The following ARID3A variants were observed in gnomAD, a reference collection of about 807,000 sequenced individuals.
ARID3A encodes AT-rich interactive domain-containing protein 3A.
A neutral mutation model predicts 52.7 loss-of-function variants in ARID3A; 11 were observed. That is an observed-to-expected ratio of 0.21 (90% CI 0.13 to 0.35). The LOEUF is 0.35. ARID3A is among the 10% of genes least tolerant of loss of function. The pLI, the probability that ARID3A is intolerant of heterozygous loss-of-function variation, is 1.00. For synonymous variants in ARID3A, 404 were observed against 359.4 expected, an observed-to-expected ratio of 1.12 and a Z score of -1.40; for missense variants, 721 against 838.5, an observed-to-expected ratio of 0.86 and a Z score of 1.73.
At chr19:946,235 CTTTTACT>C (rs1301866978) in intron 3 of ARID3A, among the ~76,000 whole-genome samples, 1 of 151,746 alleles carries the variant, frequency 6.6e-6, no homozygotes, top group East Asian at 1.9e-4. Context: ...GTTTTTTTTA[CTTTTACT>C]TTTTCCTTTT....
chr19:958,088 G>C (rs2037959395), intron 3 of ARID3A: 1 of 151,658 alleles, frequency 6.6e-6, no homozygotes, highest in Admixed American at 6.6e-5. Flanking sequence ...CTCCAGCCTG[G>C]GCGACAGAGC....
chr19:932,602 G>T lies in ARID3A; in HGVS notation c.553G>T (p.Gly185Cys). Residue 185 changes from glycine (G) to cysteine (C), a missense_variant, in exon 3 of 9, where the codon GGC becomes TGC. This residue lies in a region of ARID3A where 349 missense variants were observed against 297.3 expected (regional missense o/e 1.17). Transcript: ENST00000263620. ...RKAQPPQAFRGDGVPRVLGGQ... is the reference protein window; with the variant it reads ...RKAQPPQAFRCDGVPRVLGGQ... ...GGCCCAGCCACCCCAGGCCTTCCGC[G>T]GCGATGGCGTTCCCAGGGTGCTGGG... The T allele has an allele frequency of 6.6e-7, 1 of 1,517,832 alleles. No individual in the cohort carries two copies. Among genetic ancestry groups the T allele is most frequent in the Non-Finnish European group, 8.8e-7 (1 of 1,134,994 alleles). The allele number at this position is 1,517,832 out of a possible 1,614,324, so 94.0% of individuals were successfully genotyped here. A position where few individuals can be genotyped will look rare whatever the true frequency, so the allele number is the denominator to read the frequency against.
intron 1 of ARID3A, chr19:928,923 T>A (rs1323238038): frequency 6.6e-6 from 1 of 152,214 alleles, no homozygotes; most frequent in Non-Finnish European, 1.5e-5. Context: ...CGACTGGAAC[T>A]TAGAACCCAC....
intron 3 of ARID3A, among the ~76,000 whole-genome samples, chr19:952,576 C>T (rs2037824616): frequency 6.6e-6 from 1 of 152,098 alleles, no homozygotes; most frequent in South Asian, 2.1e-4. Flanking sequence ...CGGCAGTCCC[C>T]AAACGCTAGA....
At chr19:948,156 C>T (rs1429702987) in intron 3 of ARID3A, among the ~76,000 whole-genome samples, 1 of 151,930 alleles carries the variant, frequency 6.6e-6, no homozygotes, top group Non-Finnish European at 1.5e-5. Flanking sequence ...TCACAGCCCA[C>T]CCGCCCCAGC....
rs1422766353 is a variant in ARID3A at position 975,233 on chromosome 19, T to G, written c.*3168T>G. ...GGGACCGTGGGGCCTGGCTGCGTAC[T>G]GAGTGGGTGCCCCACAGTCAAGGCC... On this transcript the variant is annotated 3_prime_UTR_variant, in exon 9 of 9. Transcript: ENST00000263620. The G allele has an allele frequency of 4.3e-6, 1 of 231,556 alleles. No individual in the cohort carries two copies. The highest frequency in any genetic ancestry group is 6.1e-5 in the East Asian group (1 of 16,420). 14.3% of individuals were successfully genotyped at this position (231,556 alleles called of 1,614,324 possible). A position where few individuals can be genotyped will look rare whatever the true frequency, so the allele number is the denominator to read the frequency against.
intron 8 of ARID3A, among the ~76,000 whole-genome samples, chr19:970,205 TAGG>T (rs2038247193): frequency 1.3e-5 from 2 of 151,210 alleles, no homozygotes; most frequent in Non-Finnish European, 2.9e-5. Context: ...CCCAGCTGCT[TAGG>T]AGGCTGAGGC....
chr19:968,507 G>A lies in ARID3A; in HGVS notation c.1594+4G>A, dbSNP rs1468745778. 6.2e-7 allele frequency: 1 copy of A among 1,613,156 alleles called. No homozygotes were observed. The highest frequency in any genetic ancestry group is 1.3e-5 in the African/African-American group (1 of 74,872). On this transcript the variant is annotated splice_donor_region_variant and intron_variant, in intron 8 of 8. Transcript: ENST00000263620. ...ATCAACGGCATCATGTACACAGGTA[G>A]GACCCCTGAGGCCACGCCCTGCCTG...
At chr19:939,635 G>A (rs551400592) in intron 3 of ARID3A, among the ~76,000 whole-genome samples, 17 of 152,194 alleles carry the variant, frequency 1.1e-4, no homozygotes, top group African/African-American at 3.4e-4. Flanking sequence ...TCCTCCCGCC[G>A]CTGCCTTCGA....
chr19:972,220 A>AATATAT lies in ARID3A; in HGVS notation c.*156_*157insTATATA. On this transcript the variant is annotated 3_prime_UTR_variant, in exon 9 of 9. Transcript: ENST00000263620. ...AGCTGACGCCAAAAAGAAAAGAAAA[A>AATATAT]AGATATATATATATATATATATATA... The AATATAT allele has an allele frequency of 3.3e-6, 1 of 303,716 alleles. No individual in the cohort carries two copies. Among genetic ancestry groups the AATATAT allele is most frequent in the Non-Finnish European group, 5.9e-6 (1 of 169,306 alleles). 18.8% of individuals were successfully genotyped at this position (303,716 alleles called of 1,614,324 possible).
rs566810284 is a variant in ARID3A, at chr19:942,678, G to A, written c.693+9936G>A. Among the ~76,000 whole-genome samples, 18 of 152,346 alleles carry A rather than the reference G, an allele frequency of 1.2e-4. 1 individual carries two copies. The South Asian group carries it at 3.7e-3, about 32-fold the overall frequency. On this transcript the variant is annotated intron_variant, in intron 3 of 8. Transcript: ENST00000263620. The surrounding 1 kb of genome is among the most constrained non-coding windows in gnomAD (Gnocchi z 8.1). The stretch of plus-strand genomic sequence containing the variant: ...CCCTCCCACTGCCCCGCAGGCCCTG[G>A]TTCTGGCCAGGCTCAGGAAGTGAGC...
At position 948,383 on chromosome 19, in the gene ARID3A, C is replaced by T. The variant is rs143221817; in HGVS notation, c.694-11709C>T. The stretch of plus-strand genomic sequence containing the variant: ...TGCCTCTGTCAGTCCTGGGAGTTTC[C>T]GGGACGGGAAAAACAGCGAGATTCA... On this transcript the variant is annotated intron_variant, in intron 3 of 8. Transcript: ENST00000263620. Among the ~76,000 whole-genome samples the T allele has an allele frequency of 3.6e-4, 55 of 152,252 alleles. No individual in the cohort carries two copies. In the East Asian group the frequency reaches 7.7e-3, roughly 21 times the overall value.
chr19:954,946 C>G (rs2037886402), intron 3 of ARID3A, among the ~76,000 whole-genome samples: 1 of 152,182 alleles, frequency 6.6e-6, no homozygotes, highest in African/African-American at 2.4e-5. Context: ...GGCCGCTTAT[C>G]TCGGCCCTCA....
At position 929,457 on chromosome 19, in the gene ARID3A, C is replaced by T. The variant is rs2037269833; in HGVS notation, c.-72C>T. The T allele has an allele frequency of 9.5e-6, 13 of 1,361,482 alleles. No individual in the cohort carries two copies. The highest frequency in any genetic ancestry group is 1.2e-5 in the Non-Finnish European group (13 of 1,059,916). The allele number at this position is 1,361,482 out of a possible 1,614,324, so 84.3% of individuals were successfully genotyped here. A position where few individuals can be genotyped will look rare whatever the true frequency, so the allele number is the denominator to read the frequency against. ...CCGGGCCCCCTCCCCGCAGGGGCCG[C>T]CCCCGCCGCCCACCCCTAGCGCCCG... On this transcript the variant is annotated 5_prime_UTR_variant, in exon 2 of 9. Coordinates refer to ENST00000263620, the MANE Select transcript of ARID3A (RefSeq NM_005224.3). The surrounding 1 kb of genome is among the most constrained non-coding windows in gnomAD (Gnocchi z 6.2).
chr19:950,638 C>G (rs892918480), intron 3 of ARID3A, among the ~76,000 whole-genome samples: 1 of 152,188 alleles, frequency 6.6e-6, no homozygotes, highest in African/African-American at 2.4e-5. Flanking sequence ...GACCGTGGAG[C>G]AGGGGAGAGA....
In ARID3A at chr19:947,461, A is replaced by C. The variant is rs1407741831; in HGVS notation, c.694-12631A>C. On this transcript the variant is annotated intron_variant, in intron 3 of 8. Transcript: ENST00000263620. This position sits in a 1 kb window ranked among gnomAD's most constrained non-coding sequence, Gnocchi z 6.3. Reference sequence around the variant, plus strand: ...GGACTCGTGGGCCTCAGTTTCCCCAACTGTGAAACGGGCTGGCGGCCGGTC... The same window carrying C: ...GGACTCGTGGGCCTCAGTTTCCCCACCTGTGAAACGGGCTGGCGGCCGGTC... Among the ~76,000 whole-genome samples the C allele has an allele frequency of 2.0e-5, 3 of 151,982 alleles. No homozygotes were observed. The highest frequency in any genetic ancestry group is 4.4e-5 in the Non-Finnish European group (3 of 67,988).
intron 8 of ARID3A, chr19:968,730 G>A (rs2038216715): frequency 4.2e-6 from 2 of 476,120 alleles, no homozygotes; most frequent in African/African-American, 4.0e-5. Context: ...TACATATTCA[G>A]TGTGACGTTG....
chr19:970,842 G>T (rs2038264059), intron 8 of ARID3A, among the ~76,000 whole-genome samples: 1 of 152,080 alleles, frequency 6.6e-6, no homozygotes. Context: ...TGGCGCTGTC[G>T]ACACAGAGCA....
rs34643064 is a variant in ARID3A at position 941,779 on chromosome 19, CTGTGTGTGTG to C, written c.693+9057_693+9066del. On this transcript the variant is annotated intron_variant, in intron 3 of 8. Transcript: ENST00000263620. The surrounding 1 kb of genome is among the most constrained non-coding windows in gnomAD (Gnocchi z 6.9). ...TCTCTTGTGTTTTGTGTGGATGTGG[CTGTGTGTGTG>C]TGTGTGTGTGTGTGTGTGTCAGGGG... is the stretch of plus-strand genomic sequence containing the variant. Among the ~76,000 whole-genome samples the C allele has an allele frequency of 8.9e-5, 13 of 146,268 alleles. No homozygotes were observed. In the East Asian group the frequency reaches 1.8e-3, roughly 21 times the overall value.
Sources: allele counts gnomAD v4.1 joint callset (sites outside exome capture counted in the v4.1 genomes callset), GRCh38; gene constraint gnomAD v4.1.1; regional missense constraint gnomAD v4.1.1; non-coding constraint Gnocchi (gnomAD v3.1); transcripts MANE v1.5; gene names NCBI Gene and HGNC (gene_info 2026-07-23, HGNC 2026-07-21).